FPGT: variants seen among roughly 807,000 people sequenced by gnomAD.
FPGT encodes GDP-L-fucose diphosphorylase.
Under a neutral mutation model 45.8 loss-of-function variants are expected in FPGT, and 41 were observed. The observed-to-expected ratio is 0.90, with a 90% CI of 0.70 to 1.16. FPGT has a LOEUF of 1.16. Ranked by LOEUF, FPGT falls within the 50% of genes most tolerant of loss-of-function variation. The pLI, the probability that FPGT is intolerant of heterozygous loss-of-function variation, is 0.00. For missense variants in FPGT, 755 were observed against 689.1 expected (o/e 1.10, Z -1.07); for synonymous variants, 292 against 247.2 (o/e 1.18, Z -1.70).
chr1:74,204,041 CAA>C (rs71678137), intron 3 of FPGT, among the ~76,000 whole-genome samples: 8 of 138,078 alleles, frequency 5.8e-5, no homozygotes, highest in South Asian at 2.3e-4. Flanking sequence ...GACTTCATCT[CAA>C]AAAAAAAAAA....
At chr1:74,203,275 A>T (rs983491744) in intron 3 of FPGT, among the ~76,000 whole-genome samples, 2 of 152,176 alleles carry the variant, frequency 1.3e-5, no homozygotes, top group Admixed American at 6.5e-5. Context: ...TTCCATTATG[A>T]TCTTATGGGA....
rs1052825834 is a variant in FPGT at position 74,205,941 on chromosome 1, A to T, written c.*109A>T. On this transcript the variant is annotated 3_prime_UTR_variant, in exon 4 of 4. Coordinates refer to ENST00000370898, the MANE Select transcript of FPGT (RefSeq NM_003838.5). ...AGTTAATGAAAACTGTATTAACATA[A>T]TTGTTGTAGCATAATATTAATAGTG... The T allele has an allele frequency of 7.9e-6, 5 of 632,608 alleles. No individual in the cohort carries two copies. Among genetic ancestry groups the T allele is most frequent in the Non-Finnish European group, 1.4e-5 (5 of 364,516 alleles). 39.2% of individuals were successfully genotyped at this position (632,608 alleles called of 1,614,324 possible).
chr1:74,200,637 T>TG (rs1444521142), intron 2 of FPGT: 2 of 150,688 alleles, frequency 1.3e-5, no homozygotes, highest in African/African-American at 4.9e-5. Context: ...CCCGAGTAGC[T>TG]GGGACTACAG....
rs1281697655 is a variant in FPGT at position 74,205,626 on chromosome 1, A to G, written c.1579A>G (p.Ile527Val). The change falls in exon 4 of 4, where the codon ATT (isoleucine) becomes GTT (valine). Residue 527 changes from isoleucine (I) to valine (V), a missense_variant. Transcript: ENST00000370898. Reference protein sequence around the residue: ...KTCLSLWTARIFPVCSSLSDS... With the variant: ...KTCLSLWTARVFPVCSSLSDS... ...ATGTCTGAGTTTGTGGACTGCACGCATTTTCCCAGTTTGTTCTTCTTTGAG... is the reference window on the plus strand; with the variant it reads ...ATGTCTGAGTTTGTGGACTGCACGCGTTTTCCCAGTTTGTTCTTCTTTGAG... 4 of 1,612,292 alleles carry G rather than the reference A, an allele frequency of 2.5e-6. No individual in the cohort carries two copies. In the African/African-American group the frequency reaches 4.0e-5, roughly 16 times the overall value.
At position 74,205,597 on chromosome 1, in the gene FPGT, A is replaced by C. The variant is rs763657588; in HGVS notation, c.1550A>C (p.Lys517Thr). The C allele has an allele frequency of 1.9e-6, 3 of 1,613,632 alleles. No homozygotes were observed. The highest frequency in any genetic ancestry group is 2.2e-5 in the South Asian group (2 of 91,068). Residue 517 changes from lysine (K) to threonine (T), a missense_variant, in exon 4 of 4, where the codon AAG becomes ACG. Coordinates refer to ENST00000370898, the MANE Select transcript of FPGT (RefSeq NM_003838.5). Reference protein sequence around the residue: ...KVTEELFSGNKTCLSLWTARI... With the variant: ...KVTEELFSGNTTCLSLWTARI... Reference sequence around the variant, plus strand: ...ACAGAGGAACTGTTCTCTGGTAACAAGACATGTCTGAGTTTGTGGACTGCA... The same window carrying C: ...ACAGAGGAACTGTTCTCTGGTAACACGACATGTCTGAGTTTGTGGACTGCA...
rs760690123 is a variant in FPGT at position 74,198,284 on chromosome 1, A to C, written c.6A>C (p.Ala2=). 4.3e-6 allele frequency: 7 copies of C among 1,613,960 alleles called. No homozygotes were observed. The South Asian group carries it at 7.7e-5, about 18-fold the overall frequency. The part of the protein sequence containing the change: M[A]AARDPPEVSL... ...GTCTCAGGGAAGGTGGGGCTATGGC[A>C]GCTGCTAGGGACCCTCCGGAAGTAT... Residue 2 remains alanine, a synonymous_variant, in exon 1 of 4, where the codon GCA becomes GCC. Transcript: ENST00000370898.
chr1:74,201,787 A>G (rs1651825775), intron 3 of FPGT, among the ~76,000 whole-genome samples: 3 of 152,178 alleles, frequency 2.0e-5, no homozygotes, highest in Non-Finnish European at 4.4e-5. Flanking sequence ...TCCAGGGTCC[A>G]TGTGCAGGTT....
chr1:74,201,302 T>G lies in FPGT; in HGVS notation c.251-16T>G. The G allele has an allele frequency of 6.2e-7, 1 of 1,603,376 alleles. No individual in the cohort carries two copies. Among genetic ancestry groups the G allele is most frequent in the Non-Finnish European group, 8.5e-7 (1 of 1,174,908 alleles). Reference sequence around the variant, plus strand: ...TTCTATTAAATAAATTGTGCTTTTTTAACTTTGTTTTTAAGGAAATGGAGG... The same window carrying G: ...TTCTATTAAATAAATTGTGCTTTTTGAACTTTGTTTTTAAGGAAATGGAGG... On this transcript the variant is annotated splice_polypyrimidine_tract_variant and intron_variant, in intron 2 of 3. Coordinates refer to ENST00000370898, the MANE Select transcript of FPGT (RefSeq NM_003838.5).
In FPGT at chr1:74,205,221, A is replaced by G; in HGVS notation, c.1174A>G (p.Ile392Val). 6.2e-7 allele frequency: 1 copy of G among 1,614,044 alleles called. No homozygotes were observed. The highest frequency in any genetic ancestry group is 8.5e-7 in the Non-Finnish European group (1 of 1,179,904). Reference sequence around the variant, plus strand: ...CATAACTTTTAGTATCTTTCCAGATATACCAGAATGCTCTGGCAAAACATC... The same window carrying G: ...CATAACTTTTAGTATCTTTCCAGATGTACCAGAATGCTCTGGCAAAACATC... Reference protein sequence around the residue: ...QSITFSIFPDIPECSGKTSCI... With the variant: ...QSITFSIFPDVPECSGKTSCI... Residue 392 changes from isoleucine to valine, a missense_variant, in exon 4 of 4, where the codon ATA (isoleucine) becomes GTA (valine). Transcript: ENST00000370898.
At position 74,199,835 on chromosome 1, in the gene FPGT, C is replaced by G; in HGVS notation, c.250+4C>G. 4 of 1,612,820 alleles carry G rather than the reference C, an allele frequency of 2.5e-6. No homozygotes were observed. The highest frequency in any genetic ancestry group is 3.4e-6 in the Non-Finnish European group (4 of 1,179,662). ...GATCCTGCTGGAGCCAAAATTGGTA[C>G]GCGCTTTATGGTCAGTTTTATAATA... On this transcript the variant is annotated splice_donor_region_variant and intron_variant, in intron 2 of 3. Coordinates refer to ENST00000370898, the MANE Select transcript of FPGT (RefSeq NM_003838.5).
Position 74,199,692 on chromosome 1 carries a change from G to C in FPGT, c.111G>C (p.Trp37Cys). Reference protein sequence around the residue: ...RGKLVARGEFWDIVAITAADE... With the variant: ...RGKLVARGEFCDIVAITAADE... ...AACTTGTAGCACGTGGAGAATTCTG[G>C]GACATAGTTGCAATAACAGCGGCTG... Residue 37 changes from tryptophan to cysteine, a missense_variant, in exon 2 of 4, where the codon TGG (tryptophan) becomes TGC (cysteine). Trp to Cys is a radical substitution (Grantham distance 215). Transcript: ENST00000370898. 6.2e-7 allele frequency: 1 copy of C among 1,613,574 alleles called. No individual in the cohort carries two copies. The highest frequency in any genetic ancestry group is 1.1e-5 in the South Asian group (1 of 90,992).
chr1:74,206,505 A>G lies in FPGT; in HGVS notation c.*673A>G, dbSNP rs563824168. ...TTCCTTTATGTTCCATTCCATAGGA[A>G]AACACACATATGCACACAAAACTCA... On this transcript the variant is annotated 3_prime_UTR_variant, in exon 4 of 4. Coordinates refer to ENST00000370898, the MANE Select transcript of FPGT (RefSeq NM_003838.5). 6.6e-6 allele frequency: 1 copy of G among 152,266 alleles called. No homozygotes were observed. The highest frequency in any genetic ancestry group is 6.5e-5 in the Admixed American group (1 of 15,288). 9.4% of individuals were successfully genotyped at this position (152,266 alleles called of 1,614,324 possible).
In FPGT at chr1:74,205,734, T is replaced by A; in HGVS notation, c.1687T>A (p.Ser563Thr). 1.2e-6 allele frequency: 2 copies of A among 1,605,722 alleles called. No homozygotes were observed. The highest frequency in any genetic ancestry group is 1.7e-6 in the Non-Finnish European group (2 of 1,172,442). The change falls in exon 4 of 4, where the codon TCC (serine) becomes ACC (threonine). Residue 563 changes from serine (S) to threonine (T), a missense_variant. Transcript: ENST00000370898. ...CAGCCTGAATAGCTATAAGTTGCTG[T>A]CCATTGAAGAAATGCTTATCTACAA... Reference protein sequence around the residue: ...AFSLNSYKLLSIEEMLIYKDV... With the variant: ...AFSLNSYKLLTIEEMLIYKDV...
At chr1:74,201,056 T>C (rs1389564248) in intron 2 of FPGT, among the ~76,000 whole-genome samples, 1 of 152,212 alleles carries the variant, frequency 6.6e-6, no homozygotes, top group Non-Finnish European at 1.5e-5. Flanking sequence ...TTCTTTCTTA[T>C]AATTACTATT....
intron 1 of FPGT, among the ~76,000 whole-genome samples, chr1:74,199,334 T>G (rs2100763621): frequency 6.6e-6 from 1 of 152,314 alleles, no homozygotes; most frequent in East Asian, 1.9e-4. Context: ...ATTGAAGAAT[T>G]GAGGCAATAG....
At chr1:74,198,416 C>T (rs771058925) in intron 1 of FPGT, 56 bp downstream of exon 1, 4 of 1,600,596 alleles carry the variant, frequency 2.5e-6, no homozygotes, top group African/African-American at 2.7e-5. Flanking sequence ...GGTGCTTTTA[C>T]GTGCCAGGAG....
At position 74,207,906 on chromosome 1, in the gene FPGT, A is replaced by G. The variant is rs1652412196; in HGVS notation, c.*2074A>G. 6.6e-6 allele frequency among the ~76,000 whole-genome samples: 1 copy of G among 152,072 alleles called. No homozygotes were observed. The highest frequency in any genetic ancestry group is 1.5e-5 in the Non-Finnish European group (1 of 67,964). On this transcript the variant is annotated 3_prime_UTR_variant, in exon 4 of 4. Coordinates refer to ENST00000370898, the MANE Select transcript of FPGT (RefSeq NM_003838.5). Reference sequence around the variant, plus strand: ...TTTTAATCATAATCCTGTACAATGCATGGATTCTGGTTGCTTTGAAATGGT... The same window carrying G: ...TTTTAATCATAATCCTGTACAATGCGTGGATTCTGGTTGCTTTGAAATGGT...
intron 3 of FPGT, among the ~76,000 whole-genome samples, chr1:74,202,228 T>A (rs1651863403): frequency 6.6e-6 from 1 of 152,208 alleles, no homozygotes; most frequent in Non-Finnish European, 1.5e-5. Flanking sequence ...CTATGTATGT[T>A]AAGGGGCTAA....
chr1:74,205,490 G>T lies in FPGT; in HGVS notation c.1443G>T (p.Val481=). The T allele has an allele frequency of 6.2e-7, 1 of 1,613,294 alleles. No homozygotes were observed. The highest frequency in any genetic ancestry group is 8.5e-7 in the Non-Finnish European group (1 of 1,179,242). The change falls in exon 4 of 4, where the codon GTG becomes GTT. Residue 481 remains valine, a synonymous_variant. Transcript: ENST00000370898. ...TGCAAGACAACTTGAAAAAGAGTGT[G>T]AAAACATTGTCAGATATAAAGTTAC... ...FGVQDNLKKS[V]KTLSDIKLLQ...
Sources: allele counts gnomAD v4.1 joint callset (sites outside exome capture counted in the v4.1 genomes callset), GRCh38; gene constraint gnomAD v4.1.1; transcripts MANE v1.5; gene names NCBI Gene and HGNC (gene_info 2026-07-23, HGNC 2026-07-21).